CRPPA: variants seen among roughly 807,000 people sequenced by gnomAD.
The protein encoded by CRPPA is D-ribitol-5-phosphate cytidylyltransferase.
In CRPPA, 43 loss-of-function variants were observed where a neutral mutation model predicts 52.0. The observed-to-expected ratio is 0.83, with a 90% CI of 0.65 to 1.07. CRPPA has a LOEUF of 1.07. Ranked by LOEUF, CRPPA falls within the 50% of genes least tolerant of loss-of-function variation. The pLI, the probability that CRPPA is intolerant of heterozygous loss-of-function variation, is 0.00. For missense variants in CRPPA, 629 were observed against 551.7 expected (o/e 1.14, Z -1.40); for synonymous variants, 250 against 203.5 (o/e 1.23, Z -1.94).
chr7:16,101,455 C>A (rs1782042909), intron 9 of CRPPA, among the ~76,000 whole-genome samples: 2 of 152,220 alleles, frequency 1.3e-5, no homozygotes, highest in South Asian at 4.2e-4. Context: ...TTATAGTATT[C>A]TCTGATGGTA....
rs17169341 is a variant in CRPPA at position 16,205,384 on chromosome 7, A to G, written c.1251+10682T>C. Among the ~76,000 whole-genome samples the G allele has an allele frequency of 0.024, 3,648 of 152,252 alleles. 266 individuals are homozygous for G. In the East Asian group the frequency reaches 0.3, roughly 13 times the overall value. ...CTGAAATTATGATATAGAAGGTACAACTGTAAAAAATACGAATGAGACTCT... is the reference window on the plus strand; with the variant it reads ...CTGAAATTATGATATAGAAGGTACAGCTGTAAAAAATACGAATGAGACTCT... On this transcript the variant is annotated intron_variant, in intron 9 of 9. Coordinates refer to ENST00000407010, the MANE Select transcript of CRPPA (RefSeq NM_001101426.4).
At chr7:16,375,463 AATTACTTG>A (rs1486144653) in intron 3 of CRPPA, among the ~76,000 whole-genome samples, 1 of 152,196 alleles carries the variant, frequency 6.6e-6, no homozygotes, top group African/African-American at 2.4e-5. Context: ...ATATTAAAGA[AATTACTTG>A]ATTTTTAAGT....
intron 3 of CRPPA, among the ~76,000 whole-genome samples, chr7:16,326,961 T>C (rs887938728): frequency 2.6e-5 from 4 of 152,146 alleles, no homozygotes; most frequent in Non-Finnish European, 5.9e-5. Context: ...CCTGATGCAA[T>C]GTATAAGAAA....
intron 2 of CRPPA, among the ~76,000 whole-genome samples, chr7:16,397,816 G>A (rs898513948): frequency 6.6e-6 from 1 of 152,148 alleles, no homozygotes; most frequent in Admixed American, 6.5e-5. Flanking sequence ...TTTAACATGT[G>A]ACTGACGTGA....
At chr7:16,147,190 G>C (rs1562525954) in intron 9 of CRPPA, among the ~76,000 whole-genome samples, 1 of 152,140 alleles carries the variant, frequency 6.6e-6, no homozygotes, top group African/African-American at 2.4e-5. Context: ...AGAGCTGTGA[G>C]TCCATTAAAC....
At chr7:16,196,417 T>C (rs546314078) in intron 9 of CRPPA, among the ~76,000 whole-genome samples, 74 of 152,304 alleles carry the variant, frequency 4.9e-4, no homozygotes, top group African/African-American at 1.4e-3. Context: ...GAATGGCTGA[T>C]TTTCATGAAT....
In CRPPA at chr7:16,275,469, C is replaced by T. The variant is rs375247371; in HGVS notation, c.933+2660G>A. On this transcript the variant is annotated intron_variant, in intron 6 of 9. Transcript: ENST00000407010. ...GGAAAGAGAAAGTACAGGCAAAGGA[C>T]GGCCACGGAGGTGTTATTTTGACTC... Among the ~76,000 whole-genome samples the T allele has an allele frequency of 3.4e-4, 52 of 152,212 alleles. 2 individuals are homozygous for T. Among genetic ancestry groups the T allele is most frequent in the Admixed American group, 3.0e-3 (46 of 15,290 alleles).
At chr7:16,294,621 A>G (rs1361087982) in intron 5 of CRPPA, among the ~76,000 whole-genome samples, 1 of 152,034 alleles carries the variant, frequency 6.6e-6, no homozygotes, top group Non-Finnish European at 1.5e-5. Flanking sequence ...GTGAAGAACA[A>G]AAAATATTAT....
chr7:16,211,157 C>A (rs913769662), intron 9 of CRPPA, among the ~76,000 whole-genome samples: 1 of 152,162 alleles, frequency 6.6e-6, no homozygotes, highest in Non-Finnish European at 1.5e-5. Flanking sequence ...TATTGCATTT[C>A]ATTTACATAT....
chr7:16,252,633 G>C, intron 8 of CRPPA, among the ~76,000 whole-genome samples: 1 of 152,142 alleles, frequency 6.6e-6, no homozygotes. Context: ...ATGAGTTAGA[G>C]AGGATTCCCT....
intron 9 of CRPPA, among the ~76,000 whole-genome samples, chr7:16,200,932 G>C (rs1000507918): frequency 6.6e-6 from 1 of 152,110 alleles, no homozygotes; most frequent in Non-Finnish European, 1.5e-5. Flanking sequence ...TCCAAAAGGA[G>C]TCCTATTCTT....
chr7:16,358,964 T>G (rs1370218500), intron 3 of CRPPA, among the ~76,000 whole-genome samples: 1 of 152,226 alleles, frequency 6.6e-6, no homozygotes, highest in African/African-American at 2.4e-5. Context: ...TAGATTTTTA[T>G]TTGTTAAATC....
chr7:16,204,185 G>A (rs1316790831), intron 9 of CRPPA, among the ~76,000 whole-genome samples: 1 of 151,884 alleles, frequency 6.6e-6, no homozygotes, highest in African/African-American at 2.4e-5. Context: ...TTGGCATGTT[G>A]GACAAAAAAT....
chr7:16,342,140 A>T (rs570904189), intron 3 of CRPPA, among the ~76,000 whole-genome samples: 2 of 152,266 alleles, frequency 1.3e-5, no homozygotes, highest in South Asian at 4.1e-4. Context: ...TTAATAATCA[A>T]CCCATATTTC....
At chr7:16,204,402 A>G (rs981449502) in intron 9 of CRPPA, among the ~76,000 whole-genome samples, 2 of 152,148 alleles carry the variant, frequency 1.3e-5, no homozygotes, top group African/African-American at 2.4e-5. Flanking sequence ...GTTTTCAGTT[A>G]TTAGTGGGAG....
At chr7:16,091,898 T>C (rs1335011699) in intron 9 of CRPPA, 99 bp from the exon 10 acceptor site, 1 of 640,496 alleles carries the variant, frequency 1.6e-6, no homozygotes, top group Non-Finnish European at 2.5e-6. Flanking sequence ...GCGGTCTGGA[T>C]TTGGCATTTT....
At chr7:16,306,959 CT>C (rs1784926041) in intron 4 of CRPPA, among the ~76,000 whole-genome samples, 1 of 152,108 alleles carries the variant, frequency 6.6e-6, no homozygotes, top group Non-Finnish European at 1.5e-5. Context: ...ATTTTGGAGT[CT>C]TAGAATTCAA....
intron 9 of CRPPA, among the ~76,000 whole-genome samples, chr7:16,185,340 A>G (rs1467644699): frequency 6.6e-6 from 1 of 152,164 alleles, no homozygotes; most frequent in African/African-American, 2.4e-5. Context: ...TGATTCCATT[A>G]TCTCCCACCA....
chr7:16,382,270 T>C (rs923197656), intron 2 of CRPPA, among the ~76,000 whole-genome samples: 3 of 152,200 alleles, frequency 2.0e-5, no homozygotes, highest in Non-Finnish European at 4.4e-5. Context: ...TAGCTGGATA[T>C]GAAATTCTGG....
Sources: gnomAD v4.1 joint callset for allele counts (sites outside exome capture counted in the v4.1 genomes callset) on GRCh38, gnomAD v4.1.1 for gene constraint, MANE v1.5 for transcripts, NCBI Gene and HGNC (gene_info 2026-07-23, HGNC 2026-07-21) for gene names.